CDK14: variants seen among roughly 807,000 people sequenced by gnomAD.
The protein encoded by CDK14 is cyclin-dependent kinase 14.
In CDK14, 34 loss-of-function variants were observed where a neutral mutation model predicts 60.7. The ratio of observed to expected loss-of-function variants is 0.56; its 90% CI spans 0.43 to 0.75. The LOEUF is 0.75. Among genes scored for constraint, CDK14 ranks in the 30% least tolerant of loss-of-function variants. CDK14 has a pLI of 0.00. For synonymous variants in CDK14, 197 were observed against 203.7 expected, an observed-to-expected ratio of 0.97 and a Z score of 0.28; for missense variants, 482 against 564.1, an observed-to-expected ratio of 0.85 and a Z score of 1.47.
intron 2 of CDK14, among the ~76,000 whole-genome samples, chr7:90,667,576 T>C (rs1801009524): frequency 7.2e-6 from 1 of 139,306 alleles, no homozygotes; most frequent in African/African-American, 2.9e-5. Flanking sequence ...GTATCCGTAC[T>C]TTTTTTTTTT....
chr7:90,949,087 G>A (rs998793802), intron 8 of CDK14, among the ~76,000 whole-genome samples: 3 of 152,090 alleles, frequency 2.0e-5, no homozygotes, highest in Admixed American at 6.5e-5. Flanking sequence ...GTATATGAAA[G>A]TTAATTATTT....
At chr7:90,729,398 TCTCAACCA>T (rs1802774703) in intron 3 of CDK14, among the ~76,000 whole-genome samples, 1 of 138,222 alleles carries the variant, frequency 7.2e-6, no homozygotes, top group Non-Finnish European at 1.5e-5. Context: ...CAATGTGACT[TCTCAACCA>T]TTTGTGTCCT....
At chr7:91,175,223 G>C (rs1474809695) in intron 14 of CDK14, among the ~76,000 whole-genome samples, 2 of 151,956 alleles carry the variant, frequency 1.3e-5, no homozygotes, top group Non-Finnish European at 2.9e-5. Flanking sequence ...CATAAGTGAA[G>C]GAGAAATAAA....
In CDK14 at chr7:90,930,078, C is replaced by G. The variant is rs3808245; in HGVS notation, c.826+12354C>G. 2.6e-5 allele frequency among the ~76,000 whole-genome samples: 4 copies of G among 151,610 alleles called. No individual in the cohort carries two copies. The East Asian group carries it at 7.7e-4, about 29-fold the overall frequency. ...GTTTATAAGAAAACAGTGTACAGACCATTATATTAATAGCTTGTTTTTTAG... is the reference window on the plus strand; with the variant it reads ...GTTTATAAGAAAACAGTGTACAGACGATTATATTAATAGCTTGTTTTTTAG... On this transcript the variant is annotated intron_variant, in intron 8 of 14. Transcript: ENST00000380050.
intron 4 of CDK14, among the ~76,000 whole-genome samples, chr7:90,764,174 T>G (rs1804442599): frequency 6.6e-6 from 1 of 152,168 alleles, no homozygotes; most frequent in African/African-American, 2.4e-5. Context: ...ATTTTAAAAG[T>G]TTCGTGGGAG....
chr7:91,056,999 G>T lies in CDK14; in HGVS notation c.1105+11039G>T, dbSNP rs1797592497. 2.6e-5 allele frequency among the ~76,000 whole-genome samples: 4 copies of T among 152,042 alleles called. No individual in the cohort carries two copies. In the South Asian group the frequency reaches 8.3e-4, roughly 32 times the overall value. On this transcript the variant is annotated intron_variant, in intron 11 of 14. Coordinates refer to ENST00000380050, the MANE Select transcript of CDK14 (RefSeq NM_001287135.2). ...GAATTGCCACACTGACTTCCACAAT[G>T]GTTAAACTAGTTTACAGTCCCACCA... is the stretch of plus-strand genomic sequence containing the variant.
intron 10 of CDK14, among the ~76,000 whole-genome samples, chr7:91,013,882 A>T (rs1796233117): frequency 6.6e-6 from 1 of 151,974 alleles, no homozygotes; most frequent in Non-Finnish European, 1.5e-5. Flanking sequence ...ACCCTGCATG[A>T]GTCTGTGTGA....
At chr7:91,005,797 C>G (rs1562865088) in intron 10 of CDK14, among the ~76,000 whole-genome samples, 1 of 152,238 alleles carries the variant, frequency 6.6e-6, no homozygotes, top group Non-Finnish European at 1.5e-5. Flanking sequence ...ATTGGCATCT[C>G]TAATTAACGT....
chr7:90,666,134 C>G (rs1800975115), intron 2 of CDK14, among the ~76,000 whole-genome samples: 2 of 152,112 alleles, frequency 1.3e-5, no homozygotes, highest in Admixed American at 6.6e-5. Context: ...TCTTGGTTTC[C>G]AAGTGCTTCA....
At chr7:91,180,030 A>G (rs550479267) in intron 14 of CDK14, among the ~76,000 whole-genome samples, 3 of 152,192 alleles carry the variant, frequency 2.0e-5, no homozygotes, top group Non-Finnish European at 4.4e-5. Flanking sequence ...TTCCAGAAAA[A>G]GAACATATTA....
chr7:90,816,178 G>A (rs764713743), intron 5 of CDK14, among the ~76,000 whole-genome samples: 1 of 152,266 alleles, frequency 6.6e-6, no homozygotes, highest in African/African-American at 2.4e-5. Context: ...GCCTTCAAAC[G>A]TAGATAAAAT....
intron 2 of CDK14, among the ~76,000 whole-genome samples, chr7:90,650,264 T>C (rs950230993): frequency 1.3e-5 from 2 of 152,158 alleles, no homozygotes; most frequent in Non-Finnish European, 2.9e-5. Flanking sequence ...TTCTTTTGAG[T>C]AGTGTCTGTT....
At chr7:91,155,355 A>G (rs1374935429) in intron 14 of CDK14, among the ~76,000 whole-genome samples, 4 of 152,246 alleles carry the variant, frequency 2.6e-5, no homozygotes, top group Non-Finnish European at 5.9e-5. Context: ...TACTAATTCT[A>G]GTTAATAAAT....
At chr7:90,951,921 A>G (rs1273026780) in intron 8 of CDK14, among the ~76,000 whole-genome samples, 1 of 152,172 alleles carries the variant, frequency 6.6e-6, no homozygotes, top group Non-Finnish European at 1.5e-5. Context: ...AAATCTTGGG[A>G]GAAATCATCT....
intron 12 of CDK14, among the ~76,000 whole-genome samples, chr7:91,090,569 G>A (rs1309133019): frequency 3.3e-5 from 5 of 152,104 alleles, no homozygotes; most frequent in Non-Finnish European, 7.4e-5. Flanking sequence ...TCAGCTTGAA[G>A]CAAGTGTTTT....
chr7:90,773,136 T>A (rs908084223), intron 4 of CDK14, among the ~76,000 whole-genome samples: 44 of 152,234 alleles, frequency 2.9e-4, no homozygotes, highest in African/African-American at 9.6e-4. Context: ...TACTTTCAGA[T>A]TAAATAATTT....
At chr7:90,809,901 C>T (rs1041865527) in intron 5 of CDK14, among the ~76,000 whole-genome samples, 39 of 152,116 alleles carry the variant, frequency 2.6e-4, no homozygotes, top group Admixed American at 2.0e-3. Context: ...ACACATACAC[C>T]CTCCCAAGAC....
chr7:91,174,072 A>G (rs1255904301), intron 14 of CDK14, among the ~76,000 whole-genome samples: 1 of 152,164 alleles, frequency 6.6e-6, no homozygotes, highest in Admixed American at 6.5e-5. Flanking sequence ...ACAGCTTTGA[A>G]GAGAGCAGTG....
At chr7:90,622,157 G>A (rs781653795) in intron 2 of CDK14, among the ~76,000 whole-genome samples, 24 of 152,218 alleles carry the variant, frequency 1.6e-4, no homozygotes, top group Admixed American at 6.5e-5. Context: ...CTTAGAGCAG[G>A]TATTTACTAT....
Sources: allele counts gnomAD v4.1 joint callset (sites outside exome capture counted in the v4.1 genomes callset), GRCh38; gene constraint gnomAD v4.1.1; transcripts MANE v1.5; gene names NCBI Gene and HGNC (gene_info 2026-07-23, HGNC 2026-07-21).